Variants in WDR27 observed in about 807,000 individuals in gnomAD.
WDR27 encodes the protein WD repeat domain 27.
WDR27 carries 100 observed loss-of-function variants against 114.4 expected under a neutral mutation model. The ratio of observed to expected loss-of-function variants is 0.87; its 90% CI spans 0.74 to 1.03. The LOEUF (loss-of-function observed/expected upper bound fraction) is 1.03. Among genes scored for constraint, WDR27 ranks in the 50% least tolerant of loss-of-function variants. The pLI is 0.00. For synonymous variants in WDR27, 449 were observed against 423.1 expected, an observed-to-expected ratio of 1.06 and a Z score of -0.75; for missense variants, 1,129 against 1,092.9, an observed-to-expected ratio of 1.03 and a Z score of -0.47.
Position 169,668,023 on chromosome 6 carries a change from C to T in WDR27, c.619G>A (p.Ala207Thr). The change falls in exon 5 of 26, where the codon GCA (alanine) becomes ACA (threonine). Residue 207 changes from alanine to threonine, a missense_variant. Physicochemically the swap from Ala to Thr is moderately conservative, Grantham distance 58. Transcript: ENST00000448612. ...VTAVEFCPWR[A>T]GTLISASEDR... Reference sequence around the variant, plus strand: ...TCAGACGCCGAGATGAGGGTGCCTGCTCGCCAGGGACAGAACTCCACCGCA... The same window carrying T: ...TCAGACGCCGAGATGAGGGTGCCTGTTCGCCAGGGACAGAACTCCACCGCA... 1 of 1,613,946 alleles carries T rather than the reference C, an allele frequency of 6.2e-7. No homozygotes were observed. Among genetic ancestry groups the T allele is most frequent in the East Asian group, 2.2e-5 (1 of 44,862 alleles).
chr6:169,683,051 A>G (rs1398365465), intron 2 of WDR27, among the ~76,000 whole-genome samples: 3 of 152,294 alleles, frequency 2.0e-5, no homozygotes, highest in African/African-American at 7.2e-5. Flanking sequence ...GGAATGAAGA[A>G]GCTTATGGGA....
At chr6:169,673,841 T>C (rs1278659011) in intron 2 of WDR27, among the ~76,000 whole-genome samples, 1 of 152,198 alleles carries the variant, frequency 6.6e-6, no homozygotes, top group Admixed American at 6.5e-5. Context: ...GAAATATGAA[T>C]GGATTTTAAG....
At chr6:169,479,240 C>T (rs1167473247) in intron 25 of WDR27, among the ~76,000 whole-genome samples, 2 of 152,126 alleles carry the variant, frequency 1.3e-5, no homozygotes, top group Non-Finnish European at 2.9e-5. Context: ...TGAATAGACA[C>T]ATCTCAAAAG....
intron 19 of WDR27, 135 bp from the exon 20 acceptor site, chr6:169,634,660 G>A (rs1817230655): frequency 5.3e-6 from 3 of 563,214 alleles, no homozygotes; most frequent in Non-Finnish European, 9.1e-6. Context: ...GATACTGAGG[G>A]GAAAAGTGAA....
downstream of WDR27, among the ~76,000 whole-genome samples, chr6:169,452,623 C>T (rs966027395): frequency 1.3e-5 from 2 of 151,962 alleles, no homozygotes; most frequent in Non-Finnish European, 2.9e-5. Flanking sequence ...ACGGGCATGG[C>T]AGCCGCAGGA....
At chr6:169,518,866 C>T (rs536367328) in intron 25 of WDR27, among the ~76,000 whole-genome samples, 167 of 152,346 alleles carry the variant, frequency 1.1e-3, no homozygotes, top group Middle Eastern at 3.4e-3. Flanking sequence ...AGTCATTTCT[C>T]TGCTCCCGCA....
At chr6:169,459,105 C>T (rs886787754) in intron 25 of WDR27, among the ~76,000 whole-genome samples, 1 of 151,926 alleles carries the variant, frequency 6.6e-6, no homozygotes, top group African/African-American at 2.4e-5. Context: ...AAAAGATAAA[C>T]AAATTAATAG....
chr6:169,557,800 T>A (rs1454205233), intron 25 of WDR27, among the ~76,000 whole-genome samples: 1 of 152,112 alleles, frequency 6.6e-6, no homozygotes, highest in Non-Finnish European at 1.5e-5. Context: ...AAGTATTTTT[T>A]AAAAACTTGC....
downstream of WDR27, among the ~76,000 whole-genome samples, chr6:169,452,989 C>A (rs574832104): frequency 6.6e-6 from 1 of 152,220 alleles, no homozygotes; most frequent in Admixed American, 6.5e-5. Context: ...CCTCCCCAGC[C>A]TCCCTGGTCT....
At chr6:169,577,867 C>G (rs924992130) in intron 24 of WDR27, among the ~76,000 whole-genome samples, 2 of 152,206 alleles carry the variant, frequency 1.3e-5, no homozygotes, top group African/African-American at 2.4e-5. Flanking sequence ...AACTCTTACC[C>G]CATTCTCAGG....
chr6:169,488,321 A>G (rs2115421858), intron 25 of WDR27, among the ~76,000 whole-genome samples: 1 of 152,352 alleles, frequency 6.6e-6, no homozygotes, highest in South Asian at 2.1e-4. Flanking sequence ...TCCATGGTGG[A>G]AGAGGCAAAA....
chr6:169,546,585 C>G (rs1797482735), intron 25 of WDR27, among the ~76,000 whole-genome samples: 1 of 152,164 alleles, frequency 6.6e-6, no homozygotes, highest in East Asian at 1.9e-4. Flanking sequence ...ACTGAGCACA[C>G]CTGAGGCCGT....
chr6:169,483,828 A>G (rs1278479330), intron 25 of WDR27, among the ~76,000 whole-genome samples: 1 of 151,900 alleles, frequency 6.6e-6, no homozygotes, highest in African/African-American at 2.4e-5. Flanking sequence ...CTAATCCACC[A>G]CAATCTAGTA....
intron 4 of WDR27, chr6:169,670,137 G>A (rs953159232): frequency 1.9e-5 from 3 of 156,624 alleles, no homozygotes; most frequent in Admixed American, 1.9e-4. Flanking sequence ...AGTCACACAC[G>A]AGGTCGAAAT....
In WDR27 at chr6:169,681,226, G is replaced by A. The variant is rs539121631; in HGVS notation, c.189+7591C>T. ...AAGAAGAATGAACTACTGAATGCAG[G>A]AACATGGATCTCAATTATCCTGAGT... On this transcript the variant is annotated intron_variant, in intron 2 of 25. Transcript: ENST00000448612. Among the ~76,000 whole-genome samples, 11 of 152,338 alleles carry A rather than the reference G, an allele frequency of 7.2e-5. No individual in the cohort carries two copies. In the East Asian group the frequency reaches 2.1e-3, roughly 29 times the overall value.
chr6:169,651,778 C>A (rs561977733), intron 14 of WDR27, among the ~76,000 whole-genome samples, 152 bp downstream of exon 14: 1 of 152,246 alleles, frequency 6.6e-6, no homozygotes, highest in East Asian at 1.9e-4. Context: ...ATGCTGGGGT[C>A]CAACCCACCA....
intron 13 of WDR27, among the ~76,000 whole-genome samples, chr6:169,657,066 G>C (rs1025188557): frequency 1.3e-5 from 2 of 152,156 alleles, no homozygotes; most frequent in African/African-American, 4.8e-5. Context: ...ACCGACAGTG[G>C]GTCTTTCATG....
rs762656721 is a variant in WDR27, at chr6:169,672,310, T to C, written c.276A>G (p.Ser92=). Residue 92 remains serine, a synonymous_variant, in exon 3 of 26, where the codon TCA becomes TCG. Transcript: ENST00000448612. ...KVNPLLICSA[S]LDYVIMWNLD... is the part of the protein sequence containing the mutation. ...GGTTCCACATTATAACATAATCCAG[T>C]GATGCTGAGCAGATTAGAAGTGGGT... 86 of 1,613,688 alleles carry C rather than the reference T, an allele frequency of 5.3e-5. No homozygotes were observed. Among genetic ancestry groups the C allele is most frequent in the Non-Finnish European group, 7.1e-5 (84 of 1,179,786 alleles).
chr6:169,579,767 A>G (rs2128137257), intron 24 of WDR27, among the ~76,000 whole-genome samples: 1 of 152,218 alleles, frequency 6.6e-6, no homozygotes, highest in Admixed American at 6.5e-5. Context: ...CCAGCAACCA[A>G]TGCGTGCTGT....
Sources: allele counts gnomAD v4.1 joint callset (sites outside exome capture counted in the v4.1 genomes callset), GRCh38; gene constraint gnomAD v4.1.1; transcripts MANE v1.5; gene names NCBI Gene and HGNC (gene_info 2026-07-23, HGNC 2026-07-21).